TMEM161B: variants seen among roughly 807,000 people sequenced by gnomAD.
TMEM161B encodes transmembrane protein 161B.
A neutral mutation model predicts 61.8 loss-of-function variants in TMEM161B; 34 were observed. That is an observed-to-expected ratio of 0.55 (90% CI 0.42 to 0.73). The LOEUF is 0.73. Among genes scored for constraint, TMEM161B ranks in the 30% least tolerant of loss-of-function variants. The pLI, the probability that TMEM161B is intolerant of heterozygous loss-of-function variation, is 0.00. For synonymous variants in TMEM161B, 167 were observed against 192.8 expected, an observed-to-expected ratio of 0.87 and a Z score of 1.11; for missense variants, 456 against 558.5, an observed-to-expected ratio of 0.82 and a Z score of 1.85.
rs772692965 is a variant in TMEM161B at position 88,196,317 on chromosome 5, A to G, written c.1358T>C (p.Leu453Pro). ...AAAAGACAGAAGTCCTCGAAAAAGA[A>G]GAGGAGTAAAAATATTTTTTAAGCT... ...LSSLKNIFTP[L>P]LFRGLLSFLT... Residue 453 changes from leucine (L) to proline (P), a missense_variant, in exon 12 of 12, where the codon CTT becomes CCT. Leu to Pro is a moderately conservative substitution (Grantham distance 98). Transcript: ENST00000296595. 1 of 1,613,472 alleles carries G rather than the reference A, an allele frequency of 6.2e-7. No homozygotes were observed. Among genetic ancestry groups the G allele is most frequent in the Non-Finnish European group, 8.5e-7 (1 of 1,179,610 alleles).
chr5:88,243,920 T>A (rs181928262), intron 1 of TMEM161B, among the ~76,000 whole-genome samples: 142 of 152,054 alleles, frequency 9.3e-4, no homozygotes, highest in Admixed American at 2.6e-3. Context: ...TTTGTGTTCC[T>A]TGCCCACTTT....
intron 5 of TMEM161B, among the ~76,000 whole-genome samples, chr5:88,213,195 T>G (rs1747168687): frequency 6.6e-6 from 1 of 152,106 alleles, no homozygotes; most frequent in Non-Finnish European, 1.5e-5. Context: ...ACCTAGAAAC[T>G]GTACCAAGAA....
intron 4 of TMEM161B, among the ~76,000 whole-genome samples, chr5:88,225,089 C>T (rs951150907): frequency 2.0e-5 from 3 of 150,822 alleles, no homozygotes. Flanking sequence ...TGCCTCAGCT[C>T]CCTGAGTAGC....
At chr5:88,267,414 G>C (rs1756535602) in intron 1 of TMEM161B, among the ~76,000 whole-genome samples, 1 of 151,864 alleles carries the variant, frequency 6.6e-6, no homozygotes, top group Admixed American at 6.6e-5. Context: ...TATTTTGAAG[G>C]TCTTTGTTCT....
At chr5:88,203,554 T>C (rs986899825) in intron 8 of TMEM161B, among the ~76,000 whole-genome samples, 3 of 151,650 alleles carry the variant, frequency 2.0e-5, no homozygotes, top group African/African-American at 7.3e-5. Context: ...AAGTAAATGA[T>C]AGTGATTAGC....
chr5:88,255,627 T>C (rs1438150583), intron 1 of TMEM161B, among the ~76,000 whole-genome samples: 3 of 152,212 alleles, frequency 2.0e-5, no homozygotes, highest in Non-Finnish European at 4.4e-5. Flanking sequence ...TGAACTCAGA[T>C]TTATCTATTT....
chr5:88,199,354 G>A (rs530379251), intron 9 of TMEM161B: 15 of 425,444 alleles, frequency 3.5e-5, no homozygotes, highest in East Asian at 3.0e-4. Context: ...TCATGAAAGC[G>A]TAAGAAGTTA....
chr5:88,254,432 C>T (rs963592039), intron 1 of TMEM161B, among the ~76,000 whole-genome samples: 7 of 152,124 alleles, frequency 4.6e-5, no homozygotes, highest in Admixed American at 2.0e-4. Context: ...GAAGAAGGGA[C>T]AGCTAAAATT....
Position 88,196,286 on chromosome 5 carries a change from G to C in TMEM161B, c.1389C>G (p.Thr463=). ...LLFRGLLSFL[T]WWIAACLFST... Reference sequence around the variant, plus strand: ...AAAAGAGGCAAGCAGCAATCCACCAGGTCAGAAAAGACAGAAGTCCTCGAA... The same window carrying C: ...AAAAGAGGCAAGCAGCAATCCACCACGTCAGAAAAGACAGAAGTCCTCGAA... Residue 463 remains threonine (T), a synonymous_variant, in exon 12 of 12, where the codon ACC becomes ACG. Transcript: ENST00000296595. 6.2e-7 allele frequency: 1 copy of C among 1,613,182 alleles called. No homozygotes were observed. The highest frequency in any genetic ancestry group is 8.5e-7 in the Non-Finnish European group (1 of 1,179,484).
intron 7 of TMEM161B, among the ~76,000 whole-genome samples, chr5:88,206,175 A>T (rs1311487626): frequency 6.6e-6 from 1 of 152,132 alleles, no homozygotes; most frequent in Non-Finnish European, 1.5e-5. Flanking sequence ...TAACCTACAC[A>T]TTCAACAGGG....
intron 1 of TMEM161B, among the ~76,000 whole-genome samples, chr5:88,257,146 G>C (rs1755088001): frequency 6.6e-6 from 1 of 152,122 alleles, no homozygotes. Flanking sequence ...GCGACAGCCT[G>C]TAATCCCAGC....
chr5:88,260,191 C>T lies in TMEM161B; in HGVS notation c.3+8530G>A, dbSNP rs78566231. ...AAGTAAAATTCAATTTCTTACCCAA[C>T]GGACATACTTCTACTTACCCTCAAA... On this transcript the variant is annotated intron_variant, in intron 1 of 11. Transcript: ENST00000296595. 3.8e-3 allele frequency among the ~76,000 whole-genome samples: 575 copies of T among 152,276 alleles called. 3 individuals are homozygous for T. The highest frequency in any genetic ancestry group is 0.014 in the Middle Eastern group (4 of 294).
At chr5:88,249,934 A>G (rs371663278) in intron 1 of TMEM161B, among the ~76,000 whole-genome samples, 232 of 152,266 alleles carry the variant, frequency 1.5e-3, no homozygotes, top group African/African-American at 5.2e-3. Context: ...TTTTTGCCTC[A>G]GGAACCCACA....
At position 88,240,136 on chromosome 5, in the gene TMEM161B, T is replaced by C. The variant is rs369791750; in HGVS notation, c.107+677A>G. Among the ~76,000 whole-genome samples the C allele has an allele frequency of 1.3e-4, 19 of 151,974 alleles. No individual in the cohort carries two copies. The East Asian group carries it at 3.5e-3, about 28-fold the overall frequency. Reference sequence around the variant, plus strand: ...TCAGCAAGCCTACTTAGCTCCTTTGTGGAAGGAGTAGGGATTGTGAGCCTA... The same window carrying C: ...TCAGCAAGCCTACTTAGCTCCTTTGCGGAAGGAGTAGGGATTGTGAGCCTA... On this transcript the variant is annotated intron_variant, in intron 2 of 11. Transcript: ENST00000296595.
Position 88,236,681 on chromosome 5 carries a change from T to C in TMEM161B, c.107+4132A>G, listed in dbSNP as rs553474949. On this transcript the variant is annotated intron_variant, in intron 2 of 11. Coordinates refer to ENST00000296595, the MANE Select transcript of TMEM161B (RefSeq NM_153354.5). ...GAGACAGTGTGAGGGCATTAGATTCTTAAACTCTACTTAATACTTAGCATG... is the reference window on the plus strand; with the variant it reads ...GAGACAGTGTGAGGGCATTAGATTCCTAAACTCTACTTAATACTTAGCATG... Among the ~76,000 whole-genome samples the C allele has an allele frequency of 2.0e-5, 3 of 152,326 alleles. No homozygotes were observed. In the East Asian group the frequency reaches 5.8e-4, roughly 29 times the overall value.
At chr5:88,192,069 C>A (rs1182355990), downstream of TMEM161B, among the ~76,000 whole-genome samples, 35 of 90,616 alleles carry the variant, frequency 3.9e-4, no homozygotes, top group Non-Finnish European at 5.3e-4. Flanking sequence ...TTTAAAGATG[C>A]AAAAAAAAAA....
chr5:88,198,856 G>A lies in TMEM161B; in HGVS notation c.1089+120C>T, dbSNP rs978565859. 8 of 906,010 alleles carry A rather than the reference G, an allele frequency of 8.8e-6. No individual in the cohort carries two copies. In the African/African-American group the frequency reaches 1.4e-4, roughly 15 times the overall value. The allele number at this position is 906,010 out of a possible 1,614,324, so 56.1% of individuals were successfully genotyped here. A position where few individuals can be genotyped will look rare whatever the true frequency, so the allele number is the denominator to read the frequency against. On this transcript the variant is annotated intron_variant, in intron 10 of 11. Transcript: ENST00000296595. ...ATATCTGTCAACTTAAGATTGTTCT[G>A]TTTATTTATAATAAGAATATGATGG...
intron 8 of TMEM161B, among the ~76,000 whole-genome samples, chr5:88,204,254 T>C (rs1458218071): frequency 6.6e-6 from 1 of 152,074 alleles, no homozygotes; most frequent in Non-Finnish European, 1.5e-5. Context: ...CAGAACTAGC[T>C]TGCCCACACC....
intron 2 of TMEM161B, among the ~76,000 whole-genome samples, chr5:88,240,490 C>T (rs988415239): frequency 6.6e-6 from 1 of 151,446 alleles, no homozygotes; most frequent in African/African-American, 2.4e-5. Flanking sequence ...TGTCCATGAC[C>T]CTATTACCTT....
Sources: gnomAD v4.1 joint callset for allele counts (sites outside exome capture counted in the v4.1 genomes callset) on GRCh38, gnomAD v4.1.1 for gene constraint, MANE v1.5 for transcripts, NCBI Gene and HGNC (gene_info 2026-07-23, HGNC 2026-07-21) for gene names.